Variants in FLACC1 observed in about 807,000 individuals in gnomAD.
FLACC1 encodes the protein flagellum associated containing coiled-coil domains 1, also known as flagellum-associated coiled-coil domain-containing protein 1.
FLACC1 carries 66 observed loss-of-function variants against 62.8 expected under a neutral mutation model. The ratio of observed to expected loss-of-function variants is 1.05; its 90% CI spans 0.86 to 1.29. FLACC1 has a LOEUF of 1.29. FLACC1 is among the 50% of genes most tolerant of loss of function. FLACC1 has a pLI of 0.00. For missense variants in FLACC1, 452 were observed against 489.1 expected (o/e 0.92, Z 0.71); for synonymous variants, 156 against 161.0 (o/e 0.97, Z 0.24).
At chr2:201,354,546 G>GA (rs1951083836) in intron 1 of FLACC1, among the ~76,000 whole-genome samples, 2 of 152,092 alleles carry the variant, frequency 1.3e-5, no homozygotes, top group African/African-American at 4.8e-5. Flanking sequence ...TACTCCACTG[G>GA]GTTTGGGGGC....
At chr2:201,363,961 A>G in the FLACC1 span, among the ~76,000 whole-genome samples, 2 of 152,200 alleles carry the variant, frequency 1.3e-5, no homozygotes, top group Non-Finnish European at 2.9e-5. Flanking sequence ...TGCCTAGTCC[A>G]GCTCTGCTCA....
Position 201,346,638 on chromosome 2 carries a change from C to A in FLACC1, c.272G>T (p.Arg91Leu), listed in dbSNP as rs774443454. The A allele has an allele frequency of 6.2e-7, 1 of 1,614,080 alleles. No homozygotes were observed. Among genetic ancestry groups the A allele is most frequent in the Non-Finnish European group, 8.5e-7 (1 of 1,180,046 alleles). Residue 91 changes from arginine (R) to leucine (L), a missense_variant, in exon 5 of 15, where the codon CGG becomes CTG. Arg to Leu is a moderately radical substitution (Grantham distance 102, BLOSUM62 -2). Coordinates refer to ENST00000392257, the MANE Select transcript of FLACC1 (RefSeq NM_001127391.3). The surrounding 1 kb of genome is among the most constrained non-coding windows in gnomAD (Gnocchi z 4.0). ...GGTGACAGAAATCTGTTCCCGATTC[C>A]GAACAAGTTGATAGCCAGGTGACAC... ...INVSPGYQLV[R>L]NREQISVTLG...
At chr2:201,349,304 C>A (rs943969929) in intron 3 of FLACC1, among the ~76,000 whole-genome samples, 1 of 152,230 alleles carries the variant, frequency 6.6e-6, no homozygotes. Context: ...GGTCCCTCTG[C>A]CAAGAGTGCT....
At chr2:201,329,889 G>A (rs1278837691) in intron 9 of FLACC1, among the ~76,000 whole-genome samples, 2 of 152,098 alleles carry the variant, frequency 1.3e-5, no homozygotes, top group Non-Finnish European at 2.9e-5. Flanking sequence ...TTTTTTTAAA[G>A]TTCATTCCTT....
chr2:201,318,479 C>G (rs183566310), intron 9 of FLACC1, among the ~76,000 whole-genome samples: 1 of 151,944 alleles, frequency 6.6e-6, no homozygotes, highest in South Asian at 2.1e-4. Flanking sequence ...AAATGGCCAA[C>G]AAACATATGA....
At chr2:201,342,535 C>T in intron 6 of FLACC1, 104 bp from the exon 7 acceptor site, 3 of 1,136,154 alleles carry the variant, frequency 2.6e-6, no homozygotes, top group Non-Finnish European at 3.9e-6. Context: ...AGCCGCCTTC[C>T]AATTCATGGG....
At position 201,326,430 on chromosome 2, in the gene FLACC1, C is replaced by T. The variant is rs1950502006; in HGVS notation, c.675+4040G>A. Among the ~76,000 whole-genome samples, 1 of 152,146 alleles carries T rather than the reference C, an allele frequency of 6.6e-6. No homozygotes were observed. Among genetic ancestry groups the T allele is most frequent in the Non-Finnish European group, 1.5e-5 (1 of 68,016 alleles). Reference sequence around the variant, plus strand: ...GTATACCTAGAAAATCCTAAAGACTCCTCCAAAGACTCTAAGATTTGATAA... The same window carrying T: ...GTATACCTAGAAAATCCTAAAGACTTCTCCAAAGACTCTAAGATTTGATAA... On this transcript the variant is annotated intron_variant, in intron 9 of 14. Transcript: ENST00000392257. The surrounding 1 kb of genome is among the most constrained non-coding windows in gnomAD (Gnocchi z 4.1).
chr2:201,319,993 A>G (rs974829178), intron 9 of FLACC1, among the ~76,000 whole-genome samples: 2 of 152,022 alleles, frequency 1.3e-5, no homozygotes, highest in Non-Finnish European at 2.9e-5. Context: ...TGGAATACAC[A>G]CCCCCACTGT....
intron 11 of FLACC1, among the ~76,000 whole-genome samples, chr2:201,303,287 G>A (rs1217727782): frequency 6.6e-6 from 1 of 152,002 alleles, no homozygotes; most frequent in Non-Finnish European, 1.5e-5. Flanking sequence ...TACCATCAGA[G>A]AATACTATAA....
intron 9 of FLACC1, among the ~76,000 whole-genome samples, chr2:201,319,249 A>G (rs1340741992): frequency 6.6e-6 from 1 of 152,180 alleles, no homozygotes; most frequent in Non-Finnish European, 1.5e-5. Context: ...AGACAAAAAC[A>G]AGTGGTGGGG....
At chr2:201,342,525 A>G in intron 6 of FLACC1, 94 bp from the exon 7 acceptor site, 2 of 1,273,702 alleles carry the variant, frequency 1.6e-6, no homozygotes, top group South Asian at 1.2e-5. Flanking sequence ...TATGGGGCAC[A>G]GCCGCCTTCC....
chr2:201,339,844 G>A, intron 7 of FLACC1, among the ~76,000 whole-genome samples: 1 of 152,194 alleles, frequency 6.6e-6, no homozygotes, highest in East Asian at 1.9e-4. Context: ...GGGCCTTTTA[G>A]TGTTTTTTTC....
chr2:201,300,207 A>G (rs1949948920), intron 11 of FLACC1, among the ~76,000 whole-genome samples: 1 of 152,178 alleles, frequency 6.6e-6, no homozygotes, highest in Admixed American at 6.5e-5. Context: ...CACCTGGAAA[A>G]TCGGGTCACT....
chr2:201,322,654 A>G (rs1950427785), intron 9 of FLACC1, among the ~76,000 whole-genome samples: 1 of 152,154 alleles, frequency 6.6e-6, no homozygotes, highest in African/African-American at 2.4e-5. Context: ...AGGAACCAGA[A>G]AAGGAACTCT....
At chr2:201,343,000 C>G (rs986259432) in intron 6 of FLACC1, among the ~76,000 whole-genome samples, 1 of 152,202 alleles carries the variant, frequency 6.6e-6, no homozygotes, top group Non-Finnish European at 1.5e-5. Context: ...TCAAATCAGT[C>G]GGTGACCACT....
intron 9 of FLACC1, among the ~76,000 whole-genome samples, chr2:201,321,569 T>C (rs543733314): frequency 6.6e-6 from 1 of 152,210 alleles, no homozygotes; most frequent in South Asian, 2.1e-4. Flanking sequence ...CTATAGACAG[T>C]CTTTCTGGAA....
At chr2:201,290,785 G>A (rs1048495494) in intron 12 of FLACC1, among the ~76,000 whole-genome samples, 3 of 152,190 alleles carry the variant, frequency 2.0e-5, no homozygotes, top group African/African-American at 7.2e-5. Flanking sequence ...CCTAGCCAAG[G>A]AAAGGGGTGA....
rs1949642860 is a variant in FLACC1, at chr2:201,288,582, C to A, written c.*73G>T. 6.5e-7 allele frequency: 1 copy of A among 1,547,136 alleles called. No homozygotes were observed. The highest frequency in any genetic ancestry group is 8.7e-7 in the Non-Finnish European group (1 of 1,143,254). The stretch of plus-strand genomic sequence containing the variant: ...CATTATATGCATTTTCTCAAGAAAA[C>A]CCTCCCAGGAGTTTCCTGGGCCTAC... On this transcript the variant is annotated 3_prime_UTR_variant, in exon 15 of 15. Coordinates refer to ENST00000392257, the MANE Select transcript of FLACC1 (RefSeq NM_001127391.3).
chr2:201,352,924 G>A (rs1357355941), intron 1 of FLACC1, among the ~76,000 whole-genome samples: 10 of 152,184 alleles, frequency 6.6e-5, no homozygotes, highest in Non-Finnish European at 1.5e-4. Context: ...AGGAATCGGG[G>A]CAGCATCTAG....
Sources: gnomAD v4.1 joint callset for allele counts (sites outside exome capture counted in the v4.1 genomes callset) on GRCh38, gnomAD v4.1.1 for gene constraint, Gnocchi (gnomAD v3.1) non-coding constraint, MANE v1.5 for transcripts, NCBI Gene and HGNC (gene_info 2026-07-23, HGNC 2026-07-21) for gene names.